The following RBFOX1 variants were observed in gnomAD, a reference collection of about 807,000 sequenced individuals.
The protein encoded by RBFOX1 is RNA binding protein fox-1 homolog 1.
Under a neutral mutation model 57.7 loss-of-function variants are expected in RBFOX1, and 8 were observed. The ratio of observed to expected loss-of-function variants is 0.14; its 90% CI spans 0.08 to 0.25. The LOEUF (loss-of-function observed/expected upper bound fraction) is 0.25. Among genes scored for constraint, RBFOX1 ranks in the 10% least tolerant of loss-of-function variants. RBFOX1 has a pLI of 1.00. For synonymous variants in RBFOX1, 326 were observed against 222.4 expected, an observed-to-expected ratio of 1.47 and a Z score of -4.15; for missense variants, 611 against 548.5, an observed-to-expected ratio of 1.11 and a Z score of -1.14.
intron 4 of RBFOX1, among the ~76,000 whole-genome samples, chr16:7,468,027 C>T (rs954812614): frequency 4.6e-5 from 7 of 152,176 alleles, no homozygotes; most frequent in South Asian, 2.1e-4. Context: ...TGCCTAATTC[C>T]GACTTGTTAG....
intron 1 of RBFOX1, among the ~76,000 whole-genome samples, chr16:5,314,028 TAATA>T (rs2064163548): frequency 6.6e-6 from 1 of 152,140 alleles, no homozygotes; most frequent in South Asian, 2.1e-4. Context: ...GTAATAATAG[TAATA>T]AATAATAATA....
At chr16:6,910,849 T>A (rs1476798327) in intron 3 of RBFOX1, among the ~76,000 whole-genome samples, 1 of 152,194 alleles carries the variant, frequency 6.6e-6, no homozygotes, top group Non-Finnish European at 1.5e-5. Flanking sequence ...TCCAGAAGAA[T>A]GCCTCCATTT....
At chr16:6,841,623 C>T (rs539795308) in intron 3 of RBFOX1, among the ~76,000 whole-genome samples, 32 of 152,096 alleles carry the variant, frequency 2.1e-4, no homozygotes, top group African/African-American at 7.7e-4. Flanking sequence ...AAAACTCTCA[C>T]GAATGCTTTT....
intron 14 of RBFOX1, among the ~76,000 whole-genome samples, chr16:7,694,341 A>G (rs932548873): frequency 6.6e-6 from 1 of 152,200 alleles, no homozygotes; most frequent in African/African-American, 2.4e-5. Flanking sequence ...AAAAAGGCTT[A>G]TGTGCCAATG....
At chr16:7,522,929 T>C (rs573846763) in intron 5 of RBFOX1, among the ~76,000 whole-genome samples, 1 of 152,340 alleles carries the variant, frequency 6.6e-6, no homozygotes, top group African/African-American at 2.4e-5. Flanking sequence ...ATTACTGCTA[T>C]CCAGATAATG....
intron 10 of RBFOX1, among the ~76,000 whole-genome samples, chr16:7,626,709 A>AAAC (rs140484275): frequency 0.08 from 12,243 of 152,224 alleles, 966 homozygotes; most frequent in African/African-American, 0.21. Flanking sequence ...TGTAGTGTGT[A>AAAC]AATCTATTTG....
At chr16:5,499,191 T>C (rs1489599754) in intron 2 of RBFOX1, among the ~76,000 whole-genome samples, 1 of 152,238 alleles carries the variant, frequency 6.6e-6, no homozygotes, top group Non-Finnish European at 1.5e-5. Context: ...TTCATGTTTG[T>C]AATCTCTCAG....
At chr16:5,439,361 G>T (rs1331080084) in intron 1 of RBFOX1, among the ~76,000 whole-genome samples, 1 of 152,140 alleles carries the variant, frequency 6.6e-6, no homozygotes, top group African/African-American at 2.4e-5. Context: ...GAAGTGACAT[G>T]CTATGATTTA....
intron 3 of RBFOX1, among the ~76,000 whole-genome samples, chr16:6,968,067 C>A (rs1404087849): frequency 6.6e-6 from 1 of 152,032 alleles, no homozygotes; most frequent in East Asian, 1.9e-4. Context: ...TGGGTCTGAC[C>A]CTCGGATGCA....
intron 3 of RBFOX1, among the ~76,000 whole-genome samples, chr16:5,757,718 T>C (rs1437154383): frequency 6.6e-6 from 1 of 152,202 alleles, no homozygotes; most frequent in African/African-American, 2.4e-5. Flanking sequence ...TGCTATGAAG[T>C]TGGTCCTCAT....
intron 4 of RBFOX1, among the ~76,000 whole-genome samples, chr16:7,368,613 C>T (rs895289627): frequency 1.3e-5 from 2 of 151,618 alleles, no homozygotes; most frequent in Non-Finnish European, 2.9e-5. Flanking sequence ...CCCCTGTCTA[C>T]TAAAAATACA....
chr16:6,209,613 A>G (rs1378087164), intron 1 of RBFOX1, among the ~76,000 whole-genome samples: 2 of 152,236 alleles, frequency 1.3e-5, no homozygotes, highest in Non-Finnish European at 2.9e-5. Context: ...TCCTGCCACC[A>G]TCCTCCTGCC....
Position 5,818,362 on chromosome 16 carries a change from G to A in RBFOX1, c.319-48941G>A, listed in dbSNP as rs570023301. ...AGGGCTTGTATATCATGGGGTTCTC[G>A]CACTCCCCATATGAGGGGATACCAT... On this transcript the variant is annotated intron_variant, in intron 3 of 19. Transcript: ENST00000641259. 1.4e-4 allele frequency among the ~76,000 whole-genome samples: 21 copies of A among 152,272 alleles called. No homozygotes were observed. In the South Asian group the frequency reaches 1.9e-3, roughly 14 times the overall value.
intron 4 of RBFOX1, among the ~76,000 whole-genome samples, chr16:5,981,172 CAT>C (rs1381076803): frequency 6.6e-6 from 1 of 152,198 alleles, no homozygotes; most frequent in Non-Finnish European, 1.5e-5. Flanking sequence ...CTTAGGGAAA[CAT>C]ATGATTAAAT....
chr16:6,118,911 C>T (rs888315287), intron 1 of RBFOX1, among the ~76,000 whole-genome samples: 11 of 151,996 alleles, frequency 7.2e-5, no homozygotes, highest in Admixed American at 4.6e-4. Flanking sequence ...AATACCATCA[C>T]ATTAGTGATT....
intron 2 of RBFOX1, among the ~76,000 whole-genome samples, chr16:6,592,093 T>C (rs891681983): frequency 6.6e-6 from 1 of 152,218 alleles, no homozygotes; most frequent in Non-Finnish European, 1.5e-5. Flanking sequence ...TAGACACACG[T>C]TCCAATGTCA....
chr16:7,079,580 A>T (rs773828466), intron 4 of RBFOX1, among the ~76,000 whole-genome samples: 2 of 152,188 alleles, frequency 1.3e-5, no homozygotes, highest in African/African-American at 4.8e-5. Context: ...CTCCCTCTGT[A>T]TAAAGAAAAA....
intron 2 of RBFOX1, among the ~76,000 whole-genome samples, chr16:5,502,175 A>C (rs1041217936): frequency 2.0e-5 from 3 of 152,138 alleles, no homozygotes; most frequent in Non-Finnish European, 4.4e-5. Context: ...TTCCTAGAGT[A>C]GGGGGTGAAT....
intron 1 of RBFOX1, among the ~76,000 whole-genome samples, chr16:6,071,766 A>G (rs952646649): frequency 1.3e-5 from 2 of 152,188 alleles, no homozygotes; most frequent in Admixed American, 6.5e-5. Context: ...GCTCCTGGTT[A>G]CCACCATTCT....
Sources: allele counts gnomAD v4.1 joint callset (sites outside exome capture counted in the v4.1 genomes callset), GRCh38; gene constraint gnomAD v4.1.1; transcripts MANE v1.5; gene names NCBI Gene and HGNC (gene_info 2026-07-23, HGNC 2026-07-21).